Variants in L3MBTL4 observed in about 807,000 individuals in gnomAD.
The protein encoded by L3MBTL4 is lethal(3)malignant brain tumor-like protein 4.
In L3MBTL4, 70 loss-of-function variants were observed where a neutral mutation model predicts 84.5. That is an observed-to-expected ratio of 0.83 (90% confidence interval 0.68 to 1.01). The LOEUF (loss-of-function observed/expected upper bound fraction) is 1.01. L3MBTL4 is among the 50% of genes least tolerant of loss of function. The pLI is 0.00. For synonymous variants in L3MBTL4, 274 were observed against 259.8 expected, an observed-to-expected ratio of 1.05 and a Z score of -0.52; for missense variants, 715 against 754.8, an observed-to-expected ratio of 0.95 and a Z score of 0.62.
chr18:6,201,329 A>G (rs1046365123), intron 12 of L3MBTL4, among the ~76,000 whole-genome samples: 1 of 152,196 alleles, frequency 6.6e-6, no homozygotes, highest in Non-Finnish European at 1.5e-5. Context: ...TCATGGGAAT[A>G]TCGGCAATTT....
chr18:6,361,203 T>C (rs191177518), intron 1 of L3MBTL4, among the ~76,000 whole-genome samples: 28 of 152,068 alleles, frequency 1.8e-4, no homozygotes, highest in Non-Finnish European at 2.8e-4. Context: ...CCCACCCCCA[T>C]TAAGAGAAAT....
intron 16 of L3MBTL4, among the ~76,000 whole-genome samples, chr18:6,049,297 A>ATAGAG (rs60123241): frequency 0.54 from 82,242 of 151,600 alleles, 24,498 homozygotes; most frequent in African/African-American, 0.79. Context: ...GAAATTATCA[A>ATAGAG]TAAACAGACA....
rs372513398 is a variant in L3MBTL4 at position 6,207,403 on chromosome 18, T to C, written c.981+5746A>G. Among the ~76,000 whole-genome samples, 14 of 152,324 alleles carry C rather than the reference T, an allele frequency of 9.2e-5. No homozygotes were observed. The East Asian group carries it at 9.6e-4, about 10-fold the overall frequency. On this transcript the variant is annotated intron_variant, in intron 12 of 18. Transcript: ENST00000317931. ...TTTTAAGCTTTCTGCGCCTATTTCCTTACATATGCTACTTTATTGGGTTGC... is the reference window on the plus strand; with the variant it reads ...TTTTAAGCTTTCTGCGCCTATTTCCCTACATATGCTACTTTATTGGGTTGC...
intron 14 of L3MBTL4, among the ~76,000 whole-genome samples, chr18:6,129,368 C>CTGTGTGTGTGTGTGTGTGTG (rs772735191): frequency 1.4e-5 from 2 of 138,226 alleles, no homozygotes; most frequent in Admixed American, 7.2e-5. Flanking sequence ...GGAATTCTCT[C>CTGTGTGTGTGTGTGTGTGTG]TGTGTGTGTG....
Position 6,011,071 on chromosome 18 carries a change from G to T in L3MBTL4, c.1445-41509C>A, listed in dbSNP as rs2054713799. Among the ~76,000 whole-genome samples, 5 of 152,208 alleles carry T rather than the reference G, an allele frequency of 3.3e-5. No homozygotes were observed. In the South Asian group the frequency reaches 1.0e-3, roughly 31 times the overall value. ...TTTGCTAAGTGCCGGCATGGGAAGGGTTTATAATTATGCAGACTCTGTTGT... is the reference window on the plus strand; with the variant it reads ...TTTGCTAAGTGCCGGCATGGGAAGGTTTTATAATTATGCAGACTCTGTTGT... On this transcript the variant is annotated intron_variant, in intron 16 of 18. Transcript: ENST00000317931.
intron 3 of L3MBTL4, 146 bp downstream of exon 3, chr18:6,311,408 C>T: frequency 4.6e-6 from 3 of 645,782 alleles, no homozygotes; most frequent in South Asian, 3.9e-5. Flanking sequence ...TATTCTATAC[C>T]CCTACACATA....
At chr18:5,987,585 CT>C (rs1169186062) in intron 16 of L3MBTL4, among the ~76,000 whole-genome samples, 1 of 152,234 alleles carries the variant, frequency 6.6e-6, no homozygotes, top group African/African-American at 2.4e-5. Context: ...AGCTCCTCCC[CT>C]CTCCACCTTT....
chr18:6,018,349 T>C (rs1308388801), intron 16 of L3MBTL4, among the ~76,000 whole-genome samples: 1 of 152,144 alleles, frequency 6.6e-6, no homozygotes, highest in South Asian at 2.1e-4. Context: ...GGCTTGAGCA[T>C]GTGCACGTGA....
chr18:6,108,954 G>T (rs1242605146), intron 14 of L3MBTL4, among the ~76,000 whole-genome samples: 1 of 152,136 alleles, frequency 6.6e-6, no homozygotes, highest in Non-Finnish European at 1.5e-5. Flanking sequence ...TTATATAAGG[G>T]ACTGAGCATC....
chr18:6,152,240 C>A (rs1157016491), intron 13 of L3MBTL4, among the ~76,000 whole-genome samples: 2 of 152,090 alleles, frequency 1.3e-5, no homozygotes, highest in African/African-American at 4.8e-5. Flanking sequence ...CATTTGGATA[C>A]ATACCCAAAA....
rs571966412 is a variant in L3MBTL4 at position 6,217,995 on chromosome 18, G to A, written c.785-2160C>T. On this transcript the variant is annotated intron_variant, in intron 10 of 18. Transcript: ENST00000317931. ...TTTTTAATCTAATTTCTGTAAACAT[G>A]TTTTAAGCTGAATTTTTTTTAAGCT... is the stretch of plus-strand genomic sequence containing the variant. Among the ~76,000 whole-genome samples the A allele has an allele frequency of 3.9e-5, 6 of 152,170 alleles. No homozygotes were observed. The South Asian group carries it at 1.0e-3, about 26-fold the overall frequency.
chr18:6,184,481 A>T (rs1231420105), intron 12 of L3MBTL4, among the ~76,000 whole-genome samples: 1 of 152,238 alleles, frequency 6.6e-6, no homozygotes, highest in Admixed American at 6.5e-5. Flanking sequence ...TTTATTTAAG[A>T]TTAACCCAAA....
At chr18:6,043,216 G>A (rs964743337) in intron 16 of L3MBTL4, among the ~76,000 whole-genome samples, 12 of 152,066 alleles carry the variant, frequency 7.9e-5, no homozygotes, top group African/African-American at 2.9e-4. Context: ...TGATCAATGT[G>A]TATCTGTTCT....
chr18:6,304,599 C>T (rs1035783403), intron 3 of L3MBTL4, among the ~76,000 whole-genome samples: 3 of 152,320 alleles, frequency 2.0e-5, no homozygotes, highest in Non-Finnish European at 4.4e-5. Context: ...GCAAAGCCAC[C>T]ACCTTTTAGC....
chr18:5,987,354 T>C (rs779149431), intron 16 of L3MBTL4, among the ~76,000 whole-genome samples: 18 of 152,244 alleles, frequency 1.2e-4, no homozygotes, highest in Non-Finnish European at 1.9e-4. Context: ...TCTAACACTT[T>C]TGCACTGTCC....
chr18:6,133,922 G>A (rs1161987004), intron 14 of L3MBTL4, among the ~76,000 whole-genome samples: 1 of 152,176 alleles, frequency 6.6e-6, no homozygotes. Context: ...AGGGAAAAAT[G>A]CCTCAAATGA....
At chr18:5,972,841 G>A (rs2144847789) in intron 16 of L3MBTL4, among the ~76,000 whole-genome samples, 1 of 151,148 alleles carries the variant, frequency 6.6e-6, no homozygotes. Flanking sequence ...TAATAGGAGG[G>A]AGACAAAAAA....
At chr18:6,060,582 TTATTAA>T (rs2057179609) in intron 16 of L3MBTL4, among the ~76,000 whole-genome samples, 1 of 152,112 alleles carries the variant, frequency 6.6e-6, no homozygotes, top group Non-Finnish European at 1.5e-5. Flanking sequence ...TATTGATATA[TTATTAA>T]TATTATCAAC....
chr18:6,288,230 A>G (rs1170740557), intron 4 of L3MBTL4, among the ~76,000 whole-genome samples: 1 of 152,232 alleles, frequency 6.6e-6, no homozygotes, highest in African/African-American at 2.4e-5. Context: ...GTGTTTATAC[A>G]TATGTAAATG....
Sources: allele counts gnomAD v4.1 joint callset (sites outside exome capture counted in the v4.1 genomes callset), GRCh38; gene constraint gnomAD v4.1.1; transcripts MANE v1.5; gene names NCBI Gene and HGNC (gene_info 2026-07-23, HGNC 2026-07-21).